MATN2: variants seen among roughly 807,000 people sequenced by gnomAD.
MATN2 encodes matrilin 2.
MATN2 carries 69 observed loss-of-function variants against 103.2 expected under a neutral mutation model. That is an observed-to-expected ratio of 0.67 (90% CI 0.55 to 0.82). The LOEUF (loss-of-function observed/expected upper bound fraction) is 0.82, where lower values mean the gene tolerates loss of function less well. MATN2 is among the 40% of genes least tolerant of loss of function. The pLI, the probability that MATN2 is intolerant of heterozygous loss-of-function variation, is 0.00. For synonymous variants in MATN2, 429 were observed against 450.2 expected (o/e 0.95, Z 0.60); for missense variants, 1,023 against 1,211.5 (o/e 0.84, Z 2.31).
intron 2 of MATN2, among the ~76,000 whole-genome samples, chr8:97,920,961 T>A (rs1040643305): frequency 2.6e-5 from 4 of 152,174 alleles, no homozygotes; most frequent in Non-Finnish European, 5.9e-5. Flanking sequence ...CATGCAAGGC[T>A]TGGACTTGCC....
At chr8:97,930,770 C>T (rs913477710) in intron 2 of MATN2, among the ~76,000 whole-genome samples, 183 bp from the exon 3 acceptor site, 7 of 152,046 alleles carry the variant, frequency 4.6e-5, no homozygotes, top group Non-Finnish European at 8.8e-5. Context: ...ATACAGGTGC[C>T]GCCACCACAC....
chr8:98,000,692 T>C (rs1812754251), intron 7 of MATN2, among the ~76,000 whole-genome samples: 1 of 152,096 alleles, frequency 6.6e-6, no homozygotes, highest in Non-Finnish European at 1.5e-5. Flanking sequence ...CATCTGGCAT[T>C]CAGCAGGTAT....
At chr8:98,029,683 TGAA>T (rs1455854792) in intron 14 of MATN2, among the ~76,000 whole-genome samples, 1 of 152,222 alleles carries the variant, frequency 6.6e-6, no homozygotes, top group Non-Finnish European at 1.5e-5. Flanking sequence ...CCCCTTGTCT[TGAA>T]GAGCCATTTT....
At chr8:97,918,961 A>G (rs2130099530) in intron 2 of MATN2, among the ~76,000 whole-genome samples, 1 of 152,300 alleles carries the variant, frequency 6.6e-6, no homozygotes, top group Non-Finnish European at 1.5e-5. Context: ...ATTGAATGCC[A>G]GATATATCTG....
chr8:98,007,635 G>A lies in MATN2; in HGVS notation c.1573+34G>A, dbSNP rs1435824657. ...CTGAAGGACAAGCAGGACCTGCACA[G>A]GTGTTCCGTGGGTGCCGGTGTGGGT... On this transcript the variant is annotated intron_variant, in intron 10 of 18. Coordinates refer to ENST00000254898, the MANE Select transcript of MATN2 (RefSeq NM_002380.5). The surrounding 1 kb of genome is among the most constrained non-coding windows in gnomAD (Gnocchi z 4.2). 1.3e-6 allele frequency: 2 copies of A among 1,587,532 alleles called. No homozygotes were observed. The highest frequency in any genetic ancestry group is 2.7e-5 in the African/African-American group (2 of 74,582).
At chr8:98,014,633 G>A (rs916045525) in intron 10 of MATN2, among the ~76,000 whole-genome samples, 3 of 152,154 alleles carry the variant, frequency 2.0e-5, no homozygotes, top group African/African-American at 7.2e-5. Context: ...CAGAAAATAC[G>A]GGGATTTATT....
Position 98,022,047 on chromosome 8 carries a change from C to G in MATN2, c.1942+720C>G, listed in dbSNP as rs932518501. ...GTGCATGTTTACAAAGCCATGTATA[C>G]AAGGATATTTTATACAGCACTATTT... On this transcript the variant is annotated intron_variant, in intron 13 of 18. Coordinates refer to ENST00000254898, the MANE Select transcript of MATN2 (RefSeq NM_002380.5). 5.9e-4 allele frequency among the ~76,000 whole-genome samples: 90 copies of G among 152,052 alleles called. 3 individuals carry two copies. The highest frequency in any genetic ancestry group is 1.5e-5 in the Non-Finnish European group (1 of 68,010).
At chr8:97,972,171 C>T (rs1255226509) in intron 5 of MATN2, among the ~76,000 whole-genome samples, 1 of 150,268 alleles carries the variant, frequency 6.7e-6, no homozygotes, top group Non-Finnish European at 1.5e-5. Flanking sequence ...CCGTCTCTAC[C>T]AAAAATATAT....
chr8:97,961,538 T>A lies in MATN2; in HGVS notation c.958+8T>A, dbSNP rs754055141. 3 of 1,607,722 alleles carry A rather than the reference T, an allele frequency of 1.9e-6. No individual in the cohort carries two copies. The highest frequency in any genetic ancestry group is 2.6e-6 in the Non-Finnish European group (3 of 1,176,388). On this transcript the variant is annotated splice_region_variant and intron_variant, in intron 5 of 18. Coordinates refer to ENST00000254898, the MANE Select transcript of MATN2 (RefSeq NM_002380.5). ...ATGGGAAGAGGTGTGTGGGTGAGTA[T>A]CCCTCCAGCTGGGCTTGGTAGGGAA...
intron 7 of MATN2, among the ~76,000 whole-genome samples, chr8:97,997,471 G>A (rs549250658): frequency 9.2e-5 from 14 of 152,156 alleles, no homozygotes; most frequent in Non-Finnish European, 2.1e-4. Flanking sequence ...GATCTTTCAT[G>A]GTTTCAGTCT....
chr8:97,995,786 C>T (rs1460252656), intron 7 of MATN2, among the ~76,000 whole-genome samples: 1 of 152,180 alleles, frequency 6.6e-6, no homozygotes, highest in South Asian at 2.1e-4. Flanking sequence ...GTTGCAAATC[C>T]TGGATTTTGA....
intron 2 of MATN2, among the ~76,000 whole-genome samples, 166 bp downstream of exon 2, chr8:97,888,408 A>G (rs1737686791): frequency 6.6e-6 from 1 of 152,198 alleles, no homozygotes; most frequent in Admixed American, 6.5e-5. Flanking sequence ...GGAGTTGAGC[A>G]CGTGGTTGCA....
intron 2 of MATN2, among the ~76,000 whole-genome samples, chr8:97,898,768 C>G (rs1818895727): frequency 6.6e-6 from 1 of 152,110 alleles, no homozygotes; most frequent in Non-Finnish European, 1.5e-5. Context: ...TTGCTGTTTT[C>G]TCTACTTAAA....
chr8:98,003,464 G>A (rs1325241140), intron 7 of MATN2, among the ~76,000 whole-genome samples, 197 bp from the exon 8 acceptor site: 2 of 152,200 alleles, frequency 1.3e-5, no homozygotes, highest in East Asian at 1.9e-4. Flanking sequence ...CATCTCAGTC[G>A]TCATTAAATC....
intron 1 of MATN2, among the ~76,000 whole-genome samples, chr8:97,886,950 A>C (rs1419163678): frequency 6.7e-6 from 1 of 149,882 alleles, no homozygotes; most frequent in Non-Finnish European, 1.5e-5. Context: ...CCCAGGCTGG[A>C]GTGTAGTGGT....
chr8:98,019,214 TACACACACAC>T (rs139740649), intron 12 of MATN2, among the ~76,000 whole-genome samples: 1 of 149,728 alleles, frequency 6.7e-6, no homozygotes, highest in South Asian at 2.1e-4. Context: ...AAAATGGACA[TACACACACAC>T]ACACACAAAC....
rs892717534 is a variant in MATN2 at position 97,931,936 on chromosome 8, C to T, written c.712+414C>T. ...CAGGCTGATCTGAAACTCCTGGCTT[C>T]AAGCGATCCTCCTGCCTCAACCTCC... On this transcript the variant is annotated intron_variant, in intron 3 of 18. Coordinates refer to ENST00000254898, the MANE Select transcript of MATN2 (RefSeq NM_002380.5). This position sits in a 1 kb window ranked among gnomAD's most constrained non-coding sequence, Gnocchi z 4.1. Among the ~76,000 whole-genome samples, 1 of 152,190 alleles carries T rather than the reference C, an allele frequency of 6.6e-6. No individual in the cohort carries two copies. The highest frequency in any genetic ancestry group is 1.5e-5 in the Non-Finnish European group (1 of 68,030).
intron 5 of MATN2, among the ~76,000 whole-genome samples, chr8:97,972,612 A>C (rs4735516): frequency 0.12 from 18,691 of 152,320 alleles, 1,292 homozygotes; most frequent in Admixed American, 0.22. Flanking sequence ...TTGCAGACGG[A>C]GTCCTGCTGA....
At position 98,033,607 on chromosome 8, in the gene MATN2, TA is replaced by T. The variant is rs771532699; in HGVS notation, c.2764del (p.Ile922Ter). On this transcript the variant is annotated frameshift_variant, in exon 18 of 19. Coordinates refer to ENST00000254898, the MANE Select transcript of MATN2 (RefSeq NM_002380.5). LOFTEE classifies it high-confidence loss of function. ...ACGATCAATGCAAATGTGAAAACCT[TA>T]TAATGTTCCAGAACCTTGCAAACGA... ...KHDQCKCENL[I>X]MFQNLANEEV... is the part of the protein sequence containing the mutation. 1 of 1,607,574 alleles carries T rather than the reference TA, an allele frequency of 6.2e-7. No individual in the cohort carries two copies. Among genetic ancestry groups the T allele is most frequent in the Non-Finnish European group, 8.5e-7 (1 of 1,177,164 alleles).
Sources: gnomAD v4.1 joint callset for allele counts (sites outside exome capture counted in the v4.1 genomes callset) on GRCh38, gnomAD v4.1.1 for gene constraint, Gnocchi (gnomAD v3.1) non-coding constraint, MANE v1.5 for transcripts, NCBI Gene and HGNC (gene_info 2026-07-23, HGNC 2026-07-21) for gene names.